Variants in DMD observed in about 807,000 individuals in gnomAD.
DMD encodes mutant dystrophin.
Under a neutral mutation model 330.1 loss-of-function variants are expected in DMD, and 63 were observed. The ratio of observed to expected loss-of-function variants is 0.19; its 90% CI spans 0.16 to 0.24. The LOEUF is 0.24. Among genes scored for constraint, DMD ranks in the 10% least tolerant of loss-of-function variants. The pLI is 1.00. For synonymous variants in DMD, 1,223 were observed against 959.8 expected (o/e 1.27, Z -5.07); for missense variants, 3,344 against 2,684.1 (o/e 1.25, Z -5.43).
intron 43 of DMD, among the ~76,000 whole-genome samples, chrX:32,221,898 C>A (rs1361013474): frequency 1.3e-4 from 15 of 112,143 alleles, no homozygotes; most frequent in Admixed American, 7.6e-4. Flanking sequence ...TCATTATTTT[C>A]TACGGCTGAG....
At chrX:31,139,058 A>G (rs1332213171) in intron 76 of DMD, among the ~76,000 whole-genome samples, 2 of 112,331 alleles carry the variant, frequency 1.8e-5, no homozygotes, top group Non-Finnish European at 3.8e-5. Flanking sequence ...GCCTGCTCAA[A>G]TAGCATATTG....
chrX:32,066,573 G>A (rs979045957), intron 44 of DMD, among the ~76,000 whole-genome samples: 6 of 111,103 alleles, frequency 5.4e-5, no homozygotes, highest in East Asian at 2.8e-4. Flanking sequence ...GCCTCATCTC[G>A]TCCCTACTTT....
At chrX:33,022,280 CGTA>C (rs1429650440) in intron 1 of DMD, among the ~76,000 whole-genome samples, 1 of 110,562 alleles carries the variant, frequency 9.0e-6, no homozygotes, top group Non-Finnish European at 1.9e-5. Context: ...GTGAAAAATA[CGTA>C]GTAGAATAAA....
rs185659605 is a variant in DMD, at chrX:32,507,324, T to C, written c.2293-5482A>G. ...CAGAGGGGTTTCTATTTTATCTACA[T>C]TGAGCTTTTGCTTTAGTTTTTGTGA... On this transcript the variant is annotated intron_variant, in intron 18 of 78. Transcript: ENST00000357033. Among the ~76,000 whole-genome samples, 472 of 111,845 alleles carry C rather than the reference T, an allele frequency of 4.2e-3. 4 individuals are homozygous for C. Among genetic ancestry groups the C allele is most frequent in the African/African-American group, 0.015 (453 of 30,893 alleles).
intron 19 of DMD, 70 bp downstream of exon 19, chrX:32,501,685 G>C (rs1420153934): frequency 1.3e-6 from 1 of 765,923 alleles, no homozygotes; most frequent in Non-Finnish European, 2.0e-6. Flanking sequence ...ATATAATTCA[G>C]CTGATAAATA....
In DMD at chrX:31,266,811, C is replaced by T. The variant is rs138287985; in HGVS notation, c.9225-5795G>A. On this transcript the variant is annotated intron_variant, in intron 62 of 78. Transcript: ENST00000357033. ...GGGCCGGGGCCGCGATCCACTTACC[C>T]TTTGAGCTGTTCCCTCATGGCTGCA... 4.5e-4 allele frequency: 543 copies of T among 1,205,119 alleles called. 1 individual carries two copies. The highest frequency in any genetic ancestry group is 5.6e-4 in the Non-Finnish European group (504 of 892,136).
chrX:31,974,855 G>A (rs890455671), intron 44 of DMD, among the ~76,000 whole-genome samples: 55 of 109,098 alleles, frequency 5.0e-4, no homozygotes, highest in African/African-American at 1.8e-3. Context: ...ATATCAAATT[G>A]TAATGAAATT....
Position 32,451,851 on chromosome X carries a change from C to G in DMD, c.3603+2811G>C, listed in dbSNP as rs189615886. Among the ~76,000 whole-genome samples the G allele has an allele frequency of 6.3e-5, 7 of 110,883 alleles. No homozygotes were observed. In the East Asian group the frequency reaches 2.0e-3, roughly 32 times the overall value. ...TCAAGAAATGAAATCTTCCTGCCAA[C>G]TCTTCCAGTGGTTGTTGCCAGAGGC... is the stretch of plus-strand genomic sequence containing the variant. On this transcript the variant is annotated intron_variant, in intron 26 of 78. Coordinates refer to ENST00000357033, the MANE Select transcript of DMD (RefSeq NM_004006.3).
At chrX:32,497,035 G>C (rs1569564881) in intron 19 of DMD, among the ~76,000 whole-genome samples, 1 of 111,803 alleles carries the variant, frequency 8.9e-6, no homozygotes, top group Non-Finnish European at 1.9e-5. Flanking sequence ...TGCTGCTACT[G>C]AAAGTTTTTC....
chrX:33,188,425 A>G (rs1318667123), intron 1 of DMD, among the ~76,000 whole-genome samples: 1 of 110,616 alleles, frequency 9.0e-6, no homozygotes, highest in African/African-American at 3.3e-5. Flanking sequence ...TGTGGTTACC[A>G]GTTGCTATTG....
chrX:31,474,732 TA>T (rs2067623468), intron 59 of DMD, among the ~76,000 whole-genome samples: 1 of 99,022 alleles, frequency 1.0e-5, no homozygotes, highest in Middle Eastern at 5.0e-3. Context: ...TAAAATAAAA[TA>T]AAATAAAATA....
chrX:31,750,616 A>C (rs779305512), intron 51 of DMD, among the ~76,000 whole-genome samples: 5,632 of 107,797 alleles, frequency 0.052, 381 homozygotes, highest in African/African-American at 0.18. Context: ...CACCACTCCT[A>C]TTCAACATAG....
chrX:31,493,405 T>C lies in DMD; in HGVS notation c.8547+3383A>G, dbSNP rs757010653. 4.4e-5 allele frequency among the ~76,000 whole-genome samples: 5 copies of C among 112,599 alleles called. No homozygotes were observed. The South Asian group carries it at 1.1e-3, about 25-fold the overall frequency. ...TCAAATGTAGACAACAGGGAAAAGT[T>C]TGCACAATGTCCGAGCCAAGATGTA... On this transcript the variant is annotated intron_variant, in intron 57 of 78. Transcript: ENST00000357033.
Position 32,614,373 on chromosome X carries a change from G to A in DMD, c.1412C>T (p.Thr471Ile), listed in dbSNP as rs201058100. The A allele has an allele frequency of 7.5e-6, 9 of 1,207,550 alleles. No individual in the cohort carries two copies. In the South Asian group the frequency reaches 1.1e-4, roughly 14 times the overall value. Residue 471 changes from threonine (T) to isoleucine (I), a missense_variant, in exon 12 of 79, where the codon ACA becomes ATA. Transcript: ENST00000357033. ...NDWLTKTEER[T>I]RKMEEEPLGP... ...AAGAGGCTCTTCCTCCATTTTCCTTGTTCTTTCTTCTGTTTTTGTTAGCCA... is the reference window on the plus strand; with the variant it reads ...AAGAGGCTCTTCCTCCATTTTCCTTATTCTTTCTTCTGTTTTTGTTAGCCA...
intron 44 of DMD, among the ~76,000 whole-genome samples, chrX:31,979,033 G>T (rs2095457790): frequency 8.9e-6 from 1 of 111,741 alleles, no homozygotes. Flanking sequence ...CTACATAATG[G>T]TTTTTCACAG....
chrX:32,597,620 T>C (rs1374635565), intron 12 of DMD, among the ~76,000 whole-genome samples: 1 of 111,562 alleles, frequency 9.0e-6, no homozygotes, highest in Admixed American at 9.5e-5. Context: ...AATGTGGCTC[T>C]GAAAAAATCA....
intron 2 of DMD, among the ~76,000 whole-genome samples, chrX:33,019,147 A>T (rs1332029609): frequency 1.8e-5 from 2 of 111,715 alleles, no homozygotes; most frequent in African/African-American, 6.5e-5. Context: ...TTTTGGCTCC[A>T]TTATCATGAA....
chrX:32,463,460 C>A lies in DMD; in HGVS notation c.3411G>T (p.Gln1137His), dbSNP rs1329266077. 8.3e-7 allele frequency: 1 copy of A among 1,208,326 alleles called. No homozygotes were observed. The highest frequency in any genetic ancestry group is 1.1e-6 in the Non-Finnish European group (1 of 893,848). Residue 1137 changes from glutamine to histidine, a missense_variant, in exon 25 of 79, where the codon CAG (glutamine) becomes CAT (histidine). Coordinates refer to ENST00000357033, the MANE Select transcript of DMD (RefSeq NM_004006.3). ...ATACCTGTTGGCACATGTGATCCCA[C>A]TGAGTGTTAAGTTCTTTGAGTTCTG... ...LETELKELNT[Q>H]WDHMCQQVYA...
intron 62 of DMD, chrX:31,266,786 G>A (rs934839097): frequency 6.7e-6 from 8 of 1,188,141 alleles, no homozygotes; most frequent in African/African-American, 1.7e-5. Flanking sequence ...CCATCAGACG[G>A]GGCCGGGGCC....
Sources: gnomAD v4.1 joint callset for allele counts (sites outside exome capture counted in the v4.1 genomes callset) on GRCh38, gnomAD v4.1.1 for gene constraint, MANE v1.5 for transcripts, NCBI Gene and HGNC (gene_info 2026-07-23, HGNC 2026-07-21) for gene names.